Variants in EIF3L observed in about 807,000 individuals in gnomAD.
The protein encoded by EIF3L is eIEF associated protein HSPC021.
A neutral mutation model predicts 74.6 loss-of-function variants in EIF3L; 32 were observed. The ratio of observed to expected loss-of-function variants is 0.43; its 90% confidence interval spans 0.32 to 0.58. The LOEUF is 0.58. Among genes scored for constraint, EIF3L ranks in the 20% least tolerant of loss-of-function variants. The pLI, the probability that EIF3L is intolerant of heterozygous loss-of-function variation, is 0.06. For missense variants in EIF3L, 474 were observed against 707.8 expected (o/e 0.67, Z 3.75); for synonymous variants, 256 against 254.4 (o/e 1.01, Z -0.06).
chr22:37,864,952 T>C (rs894283272), intron 7 of EIF3L, among the ~76,000 whole-genome samples: 1 of 152,262 alleles, frequency 6.6e-6, no homozygotes, highest in African/African-American at 2.4e-5. Flanking sequence ...GCTGAGATAC[T>C]ACGTATAGAG....
chr22:37,850,397 G>C (rs993645850), intron 2 of EIF3L: 2 of 254,282 alleles, frequency 7.9e-6, no homozygotes, highest in Admixed American at 5.1e-5. Context: ...GCAGTGGTGC[G>C]ATCTCGGCTC....
intron 2 of EIF3L, 78 bp downstream of exon 2, chr22:37,850,141 G>A: frequency 1.3e-6 from 2 of 1,552,172 alleles, no homozygotes; most frequent in Non-Finnish European, 8.9e-7. Context: ...GCTCTGACAG[G>A]CATCAAAAAT....
intron 7 of EIF3L, among the ~76,000 whole-genome samples, chr22:37,867,910 GCAC>G (rs1601768217): frequency 7.1e-6 from 1 of 140,422 alleles, no homozygotes; most frequent in East Asian, 2.2e-4. Context: ...AGCCGAGATT[GCAC>G]CACTGCACTC....
At chr22:37,853,873 A>G (rs895642399) in intron 3 of EIF3L, among the ~76,000 whole-genome samples, 5 of 152,224 alleles carry the variant, frequency 3.3e-5, no homozygotes, top group African/African-American at 9.7e-5. Flanking sequence ...GAATCTTCAA[A>G]TAGTAGAGTA....
At position 37,862,971 on chromosome 22, in the gene EIF3L, G is replaced by GGGAC. The variant is rs1351800645; in HGVS notation, c.439_442dup (p.Pro148ArgfsTer9). ...GATATCTCTTGTTTTCTTTACAGGG[G>GGGAC]GGACCTTCCTTGGAGCAGAGGTTTG... is the stretch of plus-strand genomic sequence containing the variant. On this transcript the variant is annotated frameshift_variant, in exon 6 of 13. Coordinates refer to ENST00000652021, the MANE Select transcript of EIF3L (RefSeq NM_016091.4). LOFTEE classifies it high-confidence loss of function. 2 of 1,609,594 alleles carry GGGAC rather than the reference G, an allele frequency of 1.2e-6. No homozygotes were observed.
intron 11 of EIF3L, chr22:37,884,389 C>G (rs1927214198): frequency 6.6e-6 from 1 of 151,860 alleles, no homozygotes; most frequent in African/African-American, 2.4e-5. Context: ...GAATATTCAT[C>G]TAGAAGTTAT....
intron 4 of EIF3L, among the ~76,000 whole-genome samples, chr22:37,857,192 TCTA>T (rs1051273803): frequency 4.6e-5 from 7 of 151,730 alleles, no homozygotes; most frequent in Admixed American, 1.3e-4. Flanking sequence ...AAACCCCGTC[TCTA>T]CTAAAAATGC....
Position 37,849,441 on chromosome 22 carries a change from G to T in EIF3L, c.-9G>T. ...GCTCTTTCCGGCGGTGCTCGCAAGC[G>T]AGGCAGCCATGTCTTATCCCGCTGA... On this transcript the variant is annotated 5_prime_UTR_variant, in exon 1 of 13. Transcript: ENST00000652021. The T allele has an allele frequency of 6.2e-7, 1 of 1,613,844 alleles. No homozygotes were observed. The highest frequency in any genetic ancestry group is 8.5e-7 in the Non-Finnish European group (1 of 1,179,886).
intron 9 of EIF3L, 102 bp downstream of exon 9, chr22:37,874,626 A>G (rs1297427168): frequency 1.5e-6 from 2 of 1,340,462 alleles, no homozygotes; most frequent in Admixed American, 5.1e-5. Context: ...AGGAAAGAGG[A>G]CTGTTCCCTC....
At chr22:37,876,087 G>A (rs957757997) in intron 10 of EIF3L, 76 bp downstream of exon 10, 1 of 1,484,184 alleles carries the variant, frequency 6.7e-7, no homozygotes, top group Admixed American at 1.9e-5. Context: ...ACCATTCTTG[G>A]TAAACACCAT....
intron 3 of EIF3L, among the ~76,000 whole-genome samples, chr22:37,854,819 C>T (rs754487063): frequency 1.3e-5 from 2 of 152,144 alleles, no homozygotes; most frequent in Non-Finnish European, 2.9e-5. Context: ...CAACCCCCAT[C>T]CCGTAGAGAC....
intron 5 of EIF3L, among the ~76,000 whole-genome samples, chr22:37,859,500 G>A (rs1350413653): frequency 6.8e-6 from 1 of 147,718 alleles, no homozygotes; most frequent in African/African-American, 2.5e-5. Context: ...TCCTGCCTCA[G>A]CCTCCTGAGT....
intron 7 of EIF3L, among the ~76,000 whole-genome samples, chr22:37,867,819 G>A (rs772888322): frequency 2.2e-4 from 34 of 151,692 alleles, no homozygotes; most frequent in South Asian, 1.7e-3. Context: ...GCCAGGCATG[G>A]TGGTGGGCGC....
At chr22:37,884,681 G>C (rs1365888160) in intron 11 of EIF3L, 1 of 152,040 alleles carries the variant, frequency 6.6e-6, no homozygotes, top group Admixed American at 6.6e-5. Flanking sequence ...GCGTGTACTT[G>C]TAGTCCCAGC....
chr22:37,878,482 A>G (rs1199107177), intron 11 of EIF3L: 2 of 197,844 alleles, frequency 1.0e-5, no homozygotes, highest in African/African-American at 4.8e-5. Context: ...TTTTTTTTTG[A>G]GATGGAATTT....
chr22:37,859,374 C>CTTTTGTTTTTTTTTTTTT (rs1925719891), intron 5 of EIF3L, among the ~76,000 whole-genome samples: 1 of 79,158 alleles, frequency 1.3e-5, no homozygotes, highest in African/African-American at 5.7e-5. Flanking sequence ...CGTGAAGTTT[C>CTTTTGTTTTTTTTTTTTT]TTTTTTTTTT....
intron 2 of EIF3L, 151 bp from the exon 3 acceptor site, chr22:37,851,129 A>G (rs771668865): frequency 1.1e-4 from 70 of 620,364 alleles, no homozygotes; most frequent in Middle Eastern, 3.2e-4. Flanking sequence ...GGACAACGAG[A>G]TTGGGAGTGA....
rs1925089921 is a variant in EIF3L, at chr22:37,849,995, C to T, written c.34-20C>T. ...TTCACGACTTGGCGGCTGTCCTTGA[C>T]TGTGTCTCTTTCCTTCTAGGCGGCT... On this transcript the variant is annotated intron_variant, in intron 1 of 12. Coordinates refer to ENST00000652021, the MANE Select transcript of EIF3L (RefSeq NM_016091.4). 3.1e-6 allele frequency: 5 copies of T among 1,613,624 alleles called. No individual in the cohort carries two copies. Among genetic ancestry groups the T allele is most frequent in the Non-Finnish European group, 4.2e-6 (5 of 1,179,786 alleles).
chr22:37,874,673 G>T lies in EIF3L; in HGVS notation c.906+149G>T, dbSNP rs956994210. On this transcript the variant is annotated intron_variant, in intron 9 of 12. Coordinates refer to ENST00000652021, the MANE Select transcript of EIF3L (RefSeq NM_016091.4). ...AGTTGAGACTAAAACTGGGCAAACA[G>T]CTGTGGTAAAAAGCTAGACCTGGAC... 7.3e-6 allele frequency: 7 copies of T among 957,786 alleles called. No homozygotes were observed. The African/African-American group carries it at 1.0e-4, about 14-fold the overall frequency. 59.3% of individuals were successfully genotyped at this position (957,786 alleles called of 1,614,324 possible).
Sources: allele counts gnomAD v4.1 joint callset (sites outside exome capture counted in the v4.1 genomes callset), GRCh38; gene constraint gnomAD v4.1.1; transcripts MANE v1.5; gene names NCBI Gene and HGNC (gene_info 2026-07-23, HGNC 2026-07-21).